The following NRP2 variants were observed in gnomAD, a reference collection of about 807,000 sequenced individuals.
NRP2 encodes neuropilin 2, also known as neuropilin-2.
A neutral mutation model predicts 110.4 loss-of-function variants in NRP2; 52 were observed. The ratio of observed to expected loss-of-function variants is 0.47; its 90% CI spans 0.38 to 0.59. The LOEUF (loss-of-function observed/expected upper bound fraction) is 0.59. Ranked by LOEUF, NRP2 falls within the 20% of genes least tolerant of loss-of-function variation. NRP2 has a pLI of 0.00. For synonymous variants in NRP2, 508 were observed against 468.9 expected, an observed-to-expected ratio of 1.08 and a Z score of -1.08; for missense variants, 1,049 against 1,203.0, an observed-to-expected ratio of 0.87 and a Z score of 1.89.
intron 8 of NRP2, 22 bp downstream of exon 8, chr2:205,740,685 G>A: frequency 6.2e-7 from 1 of 1,613,554 alleles, no homozygotes; most frequent in Non-Finnish European, 8.5e-7. Context: ...GCTCCAATGA[G>A]GTTGGGGTGC....
intron 6 of NRP2, among the ~76,000 whole-genome samples, chr2:205,726,480 G>T (rs1377743944): frequency 6.6e-6 from 1 of 152,176 alleles, no homozygotes; most frequent in Admixed American, 6.5e-5. Flanking sequence ...GCACATGACA[G>T]CTTCTCATGA....
Position 205,795,404 on chromosome 2 carries a change from T to C in NRP2, c.*346T>C, listed in dbSNP as rs2058344233. The C allele has an allele frequency of 3.3e-5, 5 of 150,076 alleles. No homozygotes were observed. Among genetic ancestry groups the C allele is most frequent in the Admixed American group, 3.3e-4 (5 of 15,066 alleles). 9.3% of individuals were successfully genotyped at this position (150,076 alleles called of 1,614,324 possible). On this transcript the variant is annotated 3_prime_UTR_variant, in exon 17 of 17. Transcript: ENST00000357785. ...TTATTATTATTATATTTTATTTCTT[T>C]GGTCTGTGAGCAACTCAAAGAGGCA...
rs1005138448 is a variant in NRP2, at chr2:205,686,252, AG to A, written c.73+2892del. Among the ~76,000 whole-genome samples, 1 of 152,062 alleles carries A rather than the reference AG, an allele frequency of 6.6e-6. No individual in the cohort carries two copies. Among genetic ancestry groups the A allele is most frequent in the African/African-American group, 2.4e-5 (1 of 41,430 alleles). On this transcript the variant is annotated intron_variant, in intron 1 of 16. Coordinates refer to ENST00000357785, the MANE Select transcript of NRP2 (RefSeq NM_003872.3). This position sits in a 1 kb window ranked among gnomAD's most constrained non-coding sequence, Gnocchi z 4.7. Reference sequence around the variant, plus strand: ...TCCTCCTCCTCCTAAGGACACCCCCAGGGAAAAGCCTGCGGCATTTCTTCAA... The same window carrying A: ...TCCTCCTCCTCCTAAGGACACCCCCAGGAAAAGCCTGCGGCATTTCTTCAA...
rs532219513 is a variant in NRP2 at position 205,763,908 on chromosome 2, T to C, written c.2279T>C (p.Ile760Thr). Residue 760 changes from isoleucine to threonine, a missense_variant, in exon 13 of 17, where the codon ATC becomes ACC. Physicochemically the swap from Ile to Thr is moderately conservative, Grantham distance 89. Coordinates refer to ENST00000357785, the MANE Select transcript of NRP2 (RefSeq NM_003872.3). This position sits in a 1 kb window ranked among gnomAD's most constrained non-coding sequence, Gnocchi z 4.0. ...GGCGAGTGGAAGCACGGGCGGATCA[T>C]CCTGCCCAGCTACGACATGGAGTAC... ...QGGEWKHGRIILPSYDMEYQI... is the reference protein window; with the variant it reads ...QGGEWKHGRITLPSYDMEYQI... 1.4e-5 allele frequency: 22 copies of C among 1,614,016 alleles called. No individual in the cohort carries two copies. The Admixed American group carries it at 2.7e-4, about 20-fold the overall frequency.
intron 12 of NRP2, among the ~76,000 whole-genome samples, chr2:205,757,177 G>A (rs1575637708): frequency 1.3e-5 from 2 of 152,204 alleles, no homozygotes; most frequent in Non-Finnish European, 1.5e-5. Context: ...ATTGAACAGA[G>A]CTTTGACTGC....
intron 1 of NRP2, among the ~76,000 whole-genome samples, chr2:205,697,336 G>C (rs1028780016): frequency 1.4e-4 from 21 of 151,608 alleles, no homozygotes; most frequent in African/African-American, 5.1e-4. Context: ...GTGTGTGTGT[G>C]TGTGTGTGTA....
chr2:205,684,812 C>A (rs1052016996), intron 1 of NRP2, among the ~76,000 whole-genome samples: 4 of 152,270 alleles, frequency 2.6e-5, no homozygotes, highest in Non-Finnish European at 4.4e-5. Flanking sequence ...TAAATTACCA[C>A]TCACAGACCT....
chr2:205,724,962 C>T (rs2057100267), intron 5 of NRP2, among the ~76,000 whole-genome samples: 1 of 152,118 alleles, frequency 6.6e-6, no homozygotes, highest in African/African-American at 2.4e-5. Flanking sequence ...CCACCATGTC[C>T]AGCCCCACAT....
intron 1 of NRP2, among the ~76,000 whole-genome samples, chr2:205,690,797 A>G (rs1485782011): frequency 1.3e-5 from 2 of 152,110 alleles, no homozygotes; most frequent in African/African-American, 2.4e-5. Context: ...AAAATAAAAT[A>G]AAATAAAATG....
intron 15 of NRP2, chr2:205,776,101 C>G: frequency 1.2e-6 from 1 of 836,314 alleles, no homozygotes; most frequent in Non-Finnish European, 2.1e-6. Context: ...TTGGCAGGTG[C>G]TAAGGACTGA....
Position 205,740,642 on chromosome 2 carries a change from C to A in NRP2, c.1270C>A (p.Leu424Ile), listed in dbSNP as rs771080482. ...CTCAGGTATCGCCCTCCGGCTGGAGCTCTTCGGCTGCCGGGTCACAGGTGA... is the reference window on the plus strand; with the variant it reads ...CTCAGGTATCGCCCTCCGGCTGGAGATCTTCGGCTGCCGGGTCACAGGTGA... The part of the protein sequence containing the change: ...WHSGIALRLE[L>I]FGCRVTDAPC... Residue 424 changes from leucine to isoleucine, a missense_variant, in exon 8 of 17, where the codon CTC becomes ATC. By Grantham distance (5) the Leu-to-Ile change is conservative (BLOSUM62 2). Coordinates refer to ENST00000357785, the MANE Select transcript of NRP2 (RefSeq NM_003872.3). 1.9e-6 allele frequency: 3 copies of A among 1,614,160 alleles called. No individual in the cohort carries two copies. The highest frequency in any genetic ancestry group is 1.7e-5 in the Admixed American group (1 of 60,032).
At chr2:205,745,060 C>T (rs978338808) in intron 9 of NRP2, among the ~76,000 whole-genome samples, 1 of 152,178 alleles carries the variant, frequency 6.6e-6, no homozygotes, top group Non-Finnish European at 1.5e-5. Context: ...CTGTCCTTCC[C>T]CCGGATGAGT....
At chr2:205,741,440 A>G (rs1186226161) in intron 8 of NRP2, among the ~76,000 whole-genome samples, 1 of 152,202 alleles carries the variant, frequency 6.6e-6, no homozygotes, top group East Asian at 1.9e-4. Context: ...AAGAGGGACC[A>G]AAAGAGGAAG....
At chr2:205,752,269 G>A (rs781726668) in intron 11 of NRP2, among the ~76,000 whole-genome samples, 27 of 152,196 alleles carry the variant, frequency 1.8e-4, no homozygotes, top group Non-Finnish European at 3.5e-4. Context: ...ATGCTGGACT[G>A]TCCCAGTCTT....
intron 7 of NRP2, among the ~76,000 whole-genome samples, chr2:205,730,522 G>A (rs1167328717): frequency 3.9e-5 from 6 of 152,292 alleles, no homozygotes; most frequent in African/African-American, 1.2e-4. Flanking sequence ...GACAACAGGA[G>A]TTAGCAGAAA....
intron 15 of NRP2, among the ~76,000 whole-genome samples, chr2:205,790,092 G>C (rs2058282025): frequency 6.6e-6 from 1 of 152,110 alleles, no homozygotes; most frequent in African/African-American, 2.4e-5. Context: ...GGGGAGCAGT[G>C]ATTATATAAA....
rs1028118798 is a variant in NRP2, at chr2:205,763,783, C to G, written c.2154C>G (p.Phe718Leu). 2.5e-6 allele frequency: 4 copies of G among 1,614,082 alleles called. No individual in the cohort carries two copies. Among genetic ancestry groups the G allele is most frequent in the Non-Finnish European group, 3.4e-6 (4 of 1,180,044 alleles). The part of the protein sequence containing the change: ...HLPRSPVCME[F>L]QYQATGGRGV... ...CCCGAAGCCCGGTGTGCATGGAGTT[C>G]CAGTACCAGGCCACGGGCGGCCGCG... The change falls in exon 13 of 17, where the codon TTC becomes TTG. Residue 718 changes from phenylalanine to leucine, a missense_variant. By Grantham distance (22) the Phe-to-Leu change is conservative. Coordinates refer to ENST00000357785, the MANE Select transcript of NRP2 (RefSeq NM_003872.3). This position sits in a 1 kb window ranked among gnomAD's most constrained non-coding sequence, Gnocchi z 4.0.
intron 10 of NRP2, among the ~76,000 whole-genome samples, chr2:205,749,039 G>T (rs929670347): frequency 2.6e-5 from 4 of 152,084 alleles, no homozygotes; most frequent in Admixed American, 2.6e-4. Flanking sequence ...AGGGATTTTT[G>T]CTTTCTTGTT....
chr2:205,706,701 A>G (rs1279470758), intron 2 of NRP2, among the ~76,000 whole-genome samples: 5 of 152,168 alleles, frequency 3.3e-5, no homozygotes, highest in Non-Finnish European at 2.9e-5. Context: ...ACTGAGGTCC[A>G]AGCAGATACA....
Sources: gnomAD v4.1 joint callset for allele counts (sites outside exome capture counted in the v4.1 genomes callset) on GRCh38, gnomAD v4.1.1 for gene constraint, Gnocchi (gnomAD v3.1) non-coding constraint, MANE v1.5 for transcripts, NCBI Gene and HGNC (gene_info 2026-07-23, HGNC 2026-07-21) for gene names.